Variants in FHIT observed in about 807,000 individuals in gnomAD.
FHIT encodes the protein bis(5'-adenosyl)-triphosphatase.
A neutral mutation model predicts 17.9 loss-of-function variants in FHIT; 19 were observed. That is an observed-to-expected ratio of 1.06 (90% confidence interval 0.74 to 1.56). FHIT has a LOEUF of 1.56. Ranked by LOEUF, FHIT falls within the 40% of genes most tolerant of loss-of-function variation. FHIT has a pLI of 0.00. For synonymous variants in FHIT, 81 were observed against 69.7 expected (o/e 1.16, Z -0.81); for missense variants, 248 against 189.2 (o/e 1.31, Z -1.82).
intron 5 of FHIT, among the ~76,000 whole-genome samples, chr3:60,038,496 C>G (rs1489211941): frequency 1.3e-5 from 2 of 152,158 alleles, no homozygotes. Flanking sequence ...CAGACAGTTG[C>G]TTGTACGTTT....
intron 5 of FHIT, among the ~76,000 whole-genome samples, chr3:60,535,056 T>C (rs1350392411): frequency 2.0e-5 from 3 of 152,150 alleles, no homozygotes; most frequent in Non-Finnish European, 2.9e-5. Context: ...AAACCCCGTC[T>C]CTACTAAAAA....
intron 5 of FHIT, among the ~76,000 whole-genome samples, chr3:60,295,793 G>A (rs940538964): frequency 2.0e-5 from 3 of 152,146 alleles, no homozygotes; most frequent in Non-Finnish European, 1.5e-5. Context: ...GTTTAATAGA[G>A]AAAGGATAGC....
chr3:60,836,970 A>G (rs972887850), intron 3 of FHIT, among the ~76,000 whole-genome samples: 3 of 152,100 alleles, frequency 2.0e-5, no homozygotes, highest in Admixed American at 1.3e-4. Flanking sequence ...GGGCTGTAGG[A>G]CACTGCTTTG....
Position 60,774,180 on chromosome 3 carries a change from T to A in FHIT, c.-18+47739A>T, listed in dbSNP as rs192211130. 8.7e-4 allele frequency among the ~76,000 whole-genome samples: 133 copies of A among 152,330 alleles called. 2 individuals are homozygous for A. In the South Asian group the frequency reaches 0.026, roughly 30 times the overall value. On this transcript the variant is annotated intron_variant, in intron 4 of 9. Coordinates refer to ENST00000492590, the MANE Select transcript of FHIT (RefSeq NM_002012.4). ...GAACTGGACAGAGTAGATATAGTAG[T>A]TCCCTCTTGTGCACAGGGAATATGT...
chr3:59,873,643 A>G (rs1703020281), intron 8 of FHIT, among the ~76,000 whole-genome samples: 1 of 152,074 alleles, frequency 6.6e-6, no homozygotes. Context: ...GCCTCTACCT[A>G]CTTGATGCTA....
chr3:60,944,384 C>A (rs980217320), intron 3 of FHIT, among the ~76,000 whole-genome samples: 1 of 151,848 alleles, frequency 6.6e-6, no homozygotes, highest in Non-Finnish European at 1.5e-5. Context: ...TCACTGGAAC[C>A]AAACAATCAC....
At chr3:59,823,456 A>C (rs928942458) in intron 8 of FHIT, among the ~76,000 whole-genome samples, 1 of 152,182 alleles carries the variant, frequency 6.6e-6, no homozygotes, top group Non-Finnish European at 1.5e-5. Context: ...TTAAGAAAAT[A>C]CTTGCTAACT....
intron 2 of FHIT, among the ~76,000 whole-genome samples, chr3:61,072,194 C>T (rs919353643): frequency 1.3e-5 from 2 of 152,076 alleles, no homozygotes; most frequent in African/African-American, 2.4e-5. Flanking sequence ...CATTCCTATC[C>T]GATAGTTATT....
chr3:60,034,179 G>A (rs1351172529), intron 5 of FHIT, among the ~76,000 whole-genome samples: 1 of 152,216 alleles, frequency 6.6e-6, no homozygotes. Context: ...TGGTGAGGAT[G>A]CTGCAGAAGA....
At chr3:60,117,875 G>A (rs905104585) in intron 5 of FHIT, among the ~76,000 whole-genome samples, 1 of 152,104 alleles carries the variant, frequency 6.6e-6, no homozygotes, top group Non-Finnish European at 1.5e-5. Flanking sequence ...ACCAACTGCA[G>A]GGTCAGTACC....
At chr3:60,168,028 A>G (rs548314775) in intron 5 of FHIT, among the ~76,000 whole-genome samples, 2 of 152,322 alleles carry the variant, frequency 1.3e-5, no homozygotes, top group Admixed American at 1.3e-4. Flanking sequence ...TGTCTCAATA[A>G]GTAAGTAAAT....
intron 5 of FHIT, among the ~76,000 whole-genome samples, chr3:60,086,150 A>G (rs1418679068): frequency 6.6e-6 from 1 of 152,126 alleles, no homozygotes; most frequent in Admixed American, 6.5e-5. Context: ...GAGAGAGAGT[A>G]AAAGGGTGGG....
At chr3:61,195,429 T>C (rs1017515852) in intron 2 of FHIT, among the ~76,000 whole-genome samples, 8 of 152,160 alleles carry the variant, frequency 5.3e-5, no homozygotes, top group African/African-American at 1.9e-4. Context: ...TTATTGCTGA[T>C]GGTAGTGGTG....
At position 60,734,122 on chromosome 3, in the gene FHIT, T is replaced by C. The variant is rs530915482; in HGVS notation, c.-18+87797A>G. On this transcript the variant is annotated intron_variant, in intron 4 of 9. Transcript: ENST00000492590. ...TCAAGATGTAAGCAGGGATGGAAAA[T>C]ATACAATGCAAGCGCCATTGTTTCA... Among the ~76,000 whole-genome samples, 37 of 152,234 alleles carry C rather than the reference T, an allele frequency of 2.4e-4. No homozygotes were observed. In the South Asian group the frequency reaches 6.2e-3, roughly 26 times the overall value.
At chr3:61,140,470 A>T (rs2106998374) in intron 2 of FHIT, among the ~76,000 whole-genome samples, 1 of 152,302 alleles carries the variant, frequency 6.6e-6, no homozygotes, top group East Asian at 1.9e-4. Flanking sequence ...AATATAAAGA[A>T]CGGCTTTGCT....
chr3:61,102,693 T>C (rs115701230), intron 2 of FHIT, among the ~76,000 whole-genome samples: 7,523 of 152,240 alleles, frequency 0.049, 619 homozygotes, highest in African/African-American at 0.17. Flanking sequence ...CTGGACTTTT[T>C]TGGTTGGTAG....
At chr3:59,772,186 C>A (rs567182361) in intron 8 of FHIT, among the ~76,000 whole-genome samples, 2 of 152,160 alleles carry the variant, frequency 1.3e-5, no homozygotes, top group Non-Finnish European at 2.9e-5. Context: ...CCAGGCCCCA[C>A]ATAAAGCAAG....
intron 4 of FHIT, among the ~76,000 whole-genome samples, chr3:60,800,172 TC>T (rs1235987639): frequency 6.6e-6 from 1 of 152,160 alleles, no homozygotes; most frequent in Non-Finnish European, 1.5e-5. Context: ...CCCCCACTTC[TC>T]TCTGCCTTCT....
intron 5 of FHIT, among the ~76,000 whole-genome samples, chr3:60,045,941 G>A (rs1245823244): frequency 2.0e-5 from 3 of 152,144 alleles, no homozygotes; most frequent in Non-Finnish European, 4.4e-5. Flanking sequence ...GGAGGGTTAG[G>A]GTGGAGATTC....
Sources: gnomAD v4.1 joint callset for allele counts (sites outside exome capture counted in the v4.1 genomes callset) on GRCh38, gnomAD v4.1.1 for gene constraint, MANE v1.5 for transcripts, NCBI Gene and HGNC (gene_info 2026-07-23, HGNC 2026-07-21) for gene names.